ERC1: variants seen among roughly 807,000 people sequenced by gnomAD.
The protein encoded by ERC1 is ELKS/RAB6-interacting/CAST family member 1, also known as RAB6 interacting protein 2.
A neutral mutation model predicts 132.0 loss-of-function variants in ERC1; 56 were observed. That is an observed-to-expected ratio of 0.42 (90% CI 0.34 to 0.53). The LOEUF is 0.53. ERC1 is among the 20% of genes least tolerant of loss of function. ERC1 has a pLI of 0.03. For missense variants in ERC1, 1,202 were observed against 1,349.9 expected (o/e 0.89, Z 1.72); for synonymous variants, 478 against 476.1 (o/e 1.00, Z -0.05).
intron 1 of ERC1, among the ~76,000 whole-genome samples, chr12:992,107 G>A (rs865819374): frequency 4.6e-5 from 7 of 152,052 alleles, no homozygotes; most frequent in Admixed American, 1.3e-4. Flanking sequence ...ACTTCGTTCC[G>A]GCAGCCACCA....
chr12:1,415,732 G>C (rs2092086480), intron 17 of ERC1, among the ~76,000 whole-genome samples: 1 of 152,156 alleles, frequency 6.6e-6, no homozygotes, highest in South Asian at 2.1e-4. Context: ...TATCAGGACT[G>C]ACTTTTGATA....
At chr12:1,308,937 T>C (rs2081083045) in intron 15 of ERC1, among the ~76,000 whole-genome samples, 1 of 152,194 alleles carries the variant, frequency 6.6e-6, no homozygotes, top group South Asian at 2.1e-4. Flanking sequence ...GGTGGAGTTC[T>C]TATGAATGGG....
At chr12:1,382,361 A>T (rs569262816) in intron 16 of ERC1, among the ~76,000 whole-genome samples, 1 of 152,360 alleles carries the variant, frequency 6.6e-6, no homozygotes, top group African/African-American at 2.4e-5. Context: ...TTGTCTACAG[A>T]GGCAGGCACT....
chr12:1,362,665 G>C (rs768903038), intron 15 of ERC1, among the ~76,000 whole-genome samples: 6 of 152,180 alleles, frequency 3.9e-5, no homozygotes, highest in Non-Finnish European at 5.9e-5. Context: ...GGAGTAGTCA[G>C]ATTCAAACAC....
rs762264236 is a variant in ERC1, at chr12:1,028,220, C to T, written c.317C>T (p.Ala106Val). 3.1e-6 allele frequency: 5 copies of T among 1,614,170 alleles called. No homozygotes were observed. The highest frequency in any genetic ancestry group is 4.2e-6 in the Non-Finnish European group (5 of 1,180,046). Residue 106 changes from alanine (A) to valine (V), a missense_variant, in exon 2 of 19, where the codon GCT becomes GTT. Transcript: ENST00000360905. ...GRLPYGVRMT[A>V]MGSSPNIASS... ...CTGCCTTACGGTGTTCGGATGACTG[C>T]TATGGGTAGTAGCCCCAATATAGCT...
rs187851392 is a variant in ERC1, at chr12:1,338,576, G to T, written c.2781-33257G>T. Among the ~76,000 whole-genome samples the T allele has an allele frequency of 3.0e-4, 46 of 152,298 alleles. 1 individual carries two copies. The East Asian group carries it at 8.5e-3, about 28-fold the overall frequency. On this transcript the variant is annotated intron_variant, in intron 15 of 18. Transcript: ENST00000360905. ...AACCCGGTTCAGAACCCTTGCTGGA[G>T]TGGTGGTGCAGTCATTTTGAGGAAA...
At chr12:1,278,854 G>A (rs2078460664) in intron 14 of ERC1, among the ~76,000 whole-genome samples, 2 of 152,108 alleles carry the variant, frequency 1.3e-5, no homozygotes, top group Admixed American at 6.5e-5. Flanking sequence ...GGAAAAGGCA[G>A]CAACATGAAC....
chr12:1,485,445 T>C (rs932734335), intron 18 of ERC1, among the ~76,000 whole-genome samples: 15 of 151,964 alleles, frequency 9.9e-5, no homozygotes, highest in African/African-American at 3.1e-4. Flanking sequence ...CCTTGTGATC[T>C]GCCCACCTTG....
chr12:1,272,624 T>A (rs146048978), intron 14 of ERC1, among the ~76,000 whole-genome samples: 1 of 152,290 alleles, frequency 6.6e-6, no homozygotes, highest in East Asian at 1.9e-4. Flanking sequence ...GTACATTATT[T>A]CCTATTTTAC....
Position 1,263,113 on chromosome 12 carries a change from G to A in ERC1, c.2567G>A (p.Arg856Gln), listed in dbSNP as rs369245753. Residue 856 changes from arginine (R) to glutamine (Q), a missense_variant, in exon 14 of 19, where the codon CGG (arginine) becomes CAG (glutamine). Coordinates refer to ENST00000360905, the MANE Select transcript of ERC1 (RefSeq NM_178040.4). ...GAAAGTGTACAGATAACTGCAGAGCGGGAAATGGTGCTAGCACAAGAGGAA... is the reference window on the plus strand; with the variant it reads ...GAAAGTGTACAGATAACTGCAGAGCAGGAAATGGTGCTAGCACAAGAGGAA... ...LRESVQITAE[R>Q]EMVLAQEESA... 1.2e-4 allele frequency: 190 copies of A among 1,613,902 alleles called. No individual in the cohort carries two copies. The highest frequency in any genetic ancestry group is 1.6e-4 in the Middle Eastern group (1 of 6,084).
At chr12:1,313,418 G>C (rs1367968827) in intron 15 of ERC1, among the ~76,000 whole-genome samples, 1 of 152,076 alleles carries the variant, frequency 6.6e-6, no homozygotes, top group Non-Finnish European at 1.5e-5. Flanking sequence ...GGATGTTGAT[G>C]GAGTGGATGG....
At chr12:1,058,551 A>G (rs893042350) in intron 2 of ERC1, among the ~76,000 whole-genome samples, 2 of 151,888 alleles carry the variant, frequency 1.3e-5, no homozygotes, top group African/African-American at 2.4e-5. Flanking sequence ...CTATTGGTCT[A>G]TGTGTCTGTT....
chr12:1,110,076 A>AT, intron 4 of ERC1, 116 bp from the exon 5 acceptor site: 3 of 884,336 alleles, frequency 3.4e-6, no homozygotes, highest in South Asian at 2.3e-5. Flanking sequence ...GCCAGACAGC[A>AT]TTTTTTCTGT....
In ERC1 at chr12:1,468,333, C is replaced by T. The variant is rs752752284; in HGVS notation, c.3214-21760C>T. ...AATAGCCTGCAGGGGCCAGGTGCAG[C>T]GACTCACGCCTGTAATCCCAGCACT... On this transcript the variant is annotated intron_variant, in intron 18 of 18. Transcript: ENST00000360905. Among the ~76,000 whole-genome samples the T allele has an allele frequency of 3.1e-4, 47 of 152,116 alleles. No individual in the cohort carries two copies. The Middle Eastern group carries it at 0.014, about 44-fold the overall frequency.
intron 16 of ERC1, among the ~76,000 whole-genome samples, chr12:1,379,712 A>G (rs2088400888): frequency 6.6e-6 from 1 of 151,974 alleles, no homozygotes. Flanking sequence ...TACTTAGGAC[A>G]CGAGAGCCAG....
intron 3 of ERC1, among the ~76,000 whole-genome samples, chr12:1,101,755 A>G (rs1274931002): frequency 6.6e-6 from 1 of 152,096 alleles, no homozygotes; most frequent in Non-Finnish European, 1.5e-5. Flanking sequence ...AGATAAATAG[A>G]TTTTGTGGGG....
At chr12:1,249,982 A>G (rs1192991575) in intron 13 of ERC1, among the ~76,000 whole-genome samples, 3 of 152,194 alleles carry the variant, frequency 2.0e-5, no homozygotes, top group Non-Finnish European at 2.9e-5. Context: ...TCCTAATACC[A>G]TCACATTGGT....
intron 8 of ERC1, among the ~76,000 whole-genome samples, chr12:1,179,500 CTTTT>C (rs58317880): frequency 0.029 from 2,793 of 95,488 alleles, 19 homozygotes; most frequent in African/African-American, 0.11. Context: ...ATTCATTTTT[CTTTT>C]TTTTTTTTTT....
intron 12 of ERC1, among the ~76,000 whole-genome samples, chr12:1,195,879 C>G (rs113121357): frequency 0.21 from 29,678 of 138,294 alleles, 4,069 homozygotes; most frequent in Non-Finnish European, 0.28. Flanking sequence ...ATTTCCGCCC[C>G]CCCCCCCCTT....
Sources: allele counts gnomAD v4.1 joint callset (sites outside exome capture counted in the v4.1 genomes callset), GRCh38; gene constraint gnomAD v4.1.1; transcripts MANE v1.5; gene names NCBI Gene and HGNC (gene_info 2026-07-23, HGNC 2026-07-21).